The following SNTG1 variants were observed in gnomAD, a reference collection of about 807,000 sequenced individuals.
SNTG1 encodes gamma-1-syntrophin.
A neutral mutation model predicts 74.7 loss-of-function variants in SNTG1; 39 were observed. The ratio of observed to expected loss-of-function variants is 0.52; its 90% CI spans 0.40 to 0.68. The LOEUF (loss-of-function observed/expected upper bound fraction) is 0.68. SNTG1 is among the 30% of genes least tolerant of loss of function. SNTG1 has a pLI of 0.00. For synonymous variants in SNTG1, 254 were observed against 217.1 expected, an observed-to-expected ratio of 1.17 and a Z score of -1.49; for missense variants, 685 against 609.5, an observed-to-expected ratio of 1.12 and a Z score of -1.30.
intron 4 of SNTG1, among the ~76,000 whole-genome samples, chr8:50,410,550 G>T (rs566203412): frequency 6.6e-6 from 1 of 152,196 alleles, no homozygotes; most frequent in South Asian, 2.1e-4. Context: ...CATACACATT[G>T]TGTAATGATT....
chr8:50,155,855 T>A (rs971111932), intron 1 of SNTG1, among the ~76,000 whole-genome samples: 75 of 151,986 alleles, frequency 4.9e-4, no homozygotes, highest in African/African-American at 1.7e-3. Context: ...ACAAAAGTTG[T>A]TTGAAATGAT....
At chr8:50,275,495 G>A (rs571570371) in intron 2 of SNTG1, among the ~76,000 whole-genome samples, 2 of 152,094 alleles carry the variant, frequency 1.3e-5, no homozygotes, top group South Asian at 2.1e-4. Flanking sequence ...TTTGCAATAC[G>A]CATTTACAGT....
intron 8 of SNTG1, 94 bp downstream of exon 8, chr8:50,450,823 A>G (rs1363422199): frequency 1.6e-6 from 2 of 1,248,662 alleles, no homozygotes; most frequent in African/African-American, 1.5e-5. Context: ...CATTAGGCAG[A>G]TATGACATTT....
At chr8:49,951,990 C>T (rs979889144) in intron 1 of SNTG1, among the ~76,000 whole-genome samples, 5 of 148,850 alleles carry the variant, frequency 3.4e-5, no homozygotes, top group Non-Finnish European at 4.4e-5. Context: ...CCCAGAACTA[C>T]TCTTTTGTTT....
chr8:50,526,011 A>G (rs1338757111), intron 9 of SNTG1, among the ~76,000 whole-genome samples: 1 of 152,004 alleles, frequency 6.6e-6, no homozygotes, highest in Non-Finnish European at 1.5e-5. Context: ...AGCCTGGGTA[A>G]AGTGTCTCCC....
At chr8:50,193,146 C>G (rs570329586) in intron 2 of SNTG1, among the ~76,000 whole-genome samples, 1 of 151,916 alleles carries the variant, frequency 6.6e-6, no homozygotes, top group African/African-American at 2.4e-5. Flanking sequence ...GTTTTTGGAT[C>G]CATATGAATT....
chr8:50,561,432 G>T (rs993366047), intron 12 of SNTG1, among the ~76,000 whole-genome samples: 1 of 151,908 alleles, frequency 6.6e-6, no homozygotes, highest in Non-Finnish European at 1.5e-5. Flanking sequence ...CCAGAAAAAA[G>T]GAAAAAATAC....
In SNTG1 at chr8:50,174,387, G is replaced by T. The variant is rs541667567; in HGVS notation, c.-28+1752G>T. ...ATTGCTGGGTCAAATGGTATTTCTG[G>T]TTCTAGATCCTTGAGGAATCACCAC... On this transcript the variant is annotated intron_variant, in intron 2 of 18. Coordinates refer to ENST00000642720, the MANE Select transcript of SNTG1 (RefSeq NM_018967.5). Among the ~76,000 whole-genome samples, 14 of 152,166 alleles carry T rather than the reference G, an allele frequency of 9.2e-5. No individual in the cohort carries two copies. In the East Asian group the frequency reaches 2.7e-3, roughly 29 times the overall value.
At chr8:50,663,562 C>T (rs2095235860) in intron 15 of SNTG1, among the ~76,000 whole-genome samples, 1 of 152,100 alleles carries the variant, frequency 6.6e-6, no homozygotes, top group Non-Finnish European at 1.5e-5. Context: ...TCTGGTTTGA[C>T]TCGTTTTGCT....
chr8:49,930,125 A>G (rs1306765154), intron 1 of SNTG1, among the ~76,000 whole-genome samples: 1 of 152,136 alleles, frequency 6.6e-6, no homozygotes, highest in Non-Finnish European at 1.5e-5. Context: ...AATAGCCAAG[A>G]AAAAAATATC....
intron 2 of SNTG1, among the ~76,000 whole-genome samples, chr8:50,304,985 C>T (rs1015673950): frequency 2.0e-5 from 3 of 152,096 alleles, no homozygotes; most frequent in Admixed American, 2.0e-4. Context: ...TCACTGCAAC[C>T]TCCACCTCCC....
At chr8:50,379,906 G>T (rs547355263) in intron 2 of SNTG1, among the ~76,000 whole-genome samples, 1 of 152,198 alleles carries the variant, frequency 6.6e-6, no homozygotes, top group Admixed American at 6.5e-5. Flanking sequence ...AGAATGGAAT[G>T]TGAATGGGCT....
intron 5 of SNTG1, among the ~76,000 whole-genome samples, chr8:50,440,543 A>T (rs1004865991): frequency 6.6e-6 from 1 of 152,186 alleles, no homozygotes; most frequent in African/African-American, 2.4e-5. Context: ...AAACTTTTTT[A>T]AAAATATCAT....
At chr8:50,003,004 C>G (rs1814886526) in intron 1 of SNTG1, among the ~76,000 whole-genome samples, 1 of 152,072 alleles carries the variant, frequency 6.6e-6, no homozygotes, top group African/African-American at 2.4e-5. Context: ...CACAAAGTCC[C>G]ACATATTATA....
chr8:50,733,494 G>A (rs1477207891), intron 17 of SNTG1, among the ~76,000 whole-genome samples: 1 of 151,996 alleles, frequency 6.6e-6, no homozygotes, highest in East Asian at 1.9e-4. Flanking sequence ...TAACTTCTTT[G>A]ATTAATCATG....
intron 2 of SNTG1, among the ~76,000 whole-genome samples, chr8:50,305,177 AGGAGTT>A (rs1236242561): frequency 6.6e-6 from 1 of 152,098 alleles, no homozygotes; most frequent in African/African-American, 2.4e-5. Flanking sequence ...GTATGTTGAA[AGGAGTT>A]GGTCATAGTC....
chr8:50,779,265 T>C (rs1453381057), intron 18 of SNTG1, among the ~76,000 whole-genome samples: 1 of 152,230 alleles, frequency 6.6e-6, no homozygotes, highest in Non-Finnish European at 1.5e-5. Context: ...TTGATGGGGA[T>C]GGCATTGAAT....
intron 18 of SNTG1, among the ~76,000 whole-genome samples, chr8:50,783,055 C>G (rs1001568519): frequency 6.6e-6 from 1 of 152,126 alleles, no homozygotes; most frequent in Non-Finnish European, 1.5e-5. Context: ...TCTGATCGTT[C>G]CTCTGATAGT....
chr8:50,075,151 C>T (rs549987078), intron 1 of SNTG1, among the ~76,000 whole-genome samples: 2 of 152,194 alleles, frequency 1.3e-5, no homozygotes, highest in African/African-American at 2.4e-5. Context: ...TCCGCCTCCC[C>T]CCTGTGGGCT....
Sources: allele counts gnomAD v4.1 joint callset (sites outside exome capture counted in the v4.1 genomes callset), GRCh38; gene constraint gnomAD v4.1.1; transcripts MANE v1.5; gene names NCBI Gene and HGNC (gene_info 2026-07-23, HGNC 2026-07-21).